Variants in MBOAT2 observed in about 807,000 individuals in gnomAD.
The protein encoded by MBOAT2 is membrane-bound glycerophospholipid O-acyltransferase 2.
A neutral mutation model predicts 63.4 loss-of-function variants in MBOAT2; 28 were observed. The observed-to-expected ratio is 0.44, with a 90% confidence interval of 0.33 to 0.61. MBOAT2 has a LOEUF of 0.61. MBOAT2 is among the 20% of genes least tolerant of loss of function. The pLI, the probability that MBOAT2 is intolerant of heterozygous loss-of-function variation, is 0.03. For synonymous variants in MBOAT2, 211 were observed against 215.6 expected, an observed-to-expected ratio of 0.98 and a Z score of 0.19; for missense variants, 470 against 605.8, an observed-to-expected ratio of 0.78 and a Z score of 2.35.
At chr2:8,980,850 G>C (rs1443230094) in intron 1 of MBOAT2, among the ~76,000 whole-genome samples, 2 of 151,962 alleles carry the variant, frequency 1.3e-5, no homozygotes, top group Admixed American at 1.3e-4. Context: ...TCCACTCCTA[G>C]GTATATACAC....
At chr2:8,954,193 T>G (rs536796394) in intron 2 of MBOAT2, among the ~76,000 whole-genome samples, 6 of 152,330 alleles carry the variant, frequency 3.9e-5, no homozygotes, top group South Asian at 2.1e-4. Flanking sequence ...TATAGCCCTA[T>G]ACACTTCTTT....
At chr2:8,895,359 C>A (rs1664370793) in intron 4 of MBOAT2, among the ~76,000 whole-genome samples, 3 of 152,116 alleles carry the variant, frequency 2.0e-5, no homozygotes, top group African/African-American at 7.2e-5. Flanking sequence ...TTACAGAGTG[C>A]TGATTGGTCC....
In MBOAT2 at chr2:8,860,743, A is replaced by C. The variant is rs747857607; in HGVS notation, c.1207T>G (p.Tyr403Asp). 2.5e-6 allele frequency: 4 copies of C among 1,588,738 alleles called. No homozygotes were observed. In the African/African-American group the frequency reaches 5.4e-5, roughly 21 times the overall value. Residue 403 changes from tyrosine to aspartate, a missense_variant, in exon 12 of 13, where the codon TAT becomes GAT. Transcript: ENST00000305997. ...TTCAGTTGGGAAGGTTCAATGAAAT[A>C]ATGTCTAAAGTTATTTCTCATCTGA... ...ARAMRNNFRH[Y>D]FIEPSQLKLF...
chr2:8,895,859 C>T (rs1241456538), intron 4 of MBOAT2, among the ~76,000 whole-genome samples: 5 of 152,018 alleles, frequency 3.3e-5, no homozygotes, highest in Admixed American at 6.6e-5. Context: ...ATAAAGGGCA[C>T]GAAGGCAAGT....
At chr2:8,895,909 A>G (rs1246261854) in intron 4 of MBOAT2, among the ~76,000 whole-genome samples, 3 of 152,190 alleles carry the variant, frequency 2.0e-5, no homozygotes, top group Non-Finnish European at 4.4e-5. Context: ...AAAGGGGAGA[A>G]GCCATGTTGC....
intron 1 of MBOAT2, among the ~76,000 whole-genome samples, chr2:8,974,607 C>A (rs1467728474): frequency 6.6e-6 from 1 of 152,148 alleles, no homozygotes; most frequent in East Asian, 1.9e-4. Context: ...TAACTGGAAA[C>A]AATGGCAGCC....
chr2:8,952,899 A>G (rs1474602995), intron 2 of MBOAT2, among the ~76,000 whole-genome samples: 1 of 152,196 alleles, frequency 6.6e-6, no homozygotes, highest in Non-Finnish European at 1.5e-5. Context: ...AAAACCGCAG[A>G]AGAATGGGTC....
intron 7 of MBOAT2, among the ~76,000 whole-genome samples, chr2:8,875,036 TC>T (rs1207502896): frequency 6.6e-6 from 1 of 152,206 alleles, no homozygotes; most frequent in African/African-American, 2.4e-5. Flanking sequence ...TTGTTTAAGT[TC>T]CTGTTATTTT....
At chr2:8,949,766 T>C (rs1257338970) in intron 2 of MBOAT2, among the ~76,000 whole-genome samples, 1 of 152,232 alleles carries the variant, frequency 6.6e-6, no homozygotes, top group Non-Finnish European at 1.5e-5. Context: ...TTAAGTCATG[T>C]AGTATGATGC....
intron 4 of MBOAT2, among the ~76,000 whole-genome samples, chr2:8,900,519 G>A (rs1664837988): frequency 6.6e-6 from 1 of 152,004 alleles, no homozygotes; most frequent in Non-Finnish European, 1.5e-5. Context: ...ACCCAGGTTG[G>A]GCCAAATTTC....
intron 3 of MBOAT2, among the ~76,000 whole-genome samples, chr2:8,921,606 G>A (rs1162536058): frequency 6.6e-6 from 1 of 152,130 alleles, no homozygotes; most frequent in Middle Eastern, 3.2e-3. Context: ...TATAAAGCAA[G>A]TCTTTGTTTA....
intron 5 of MBOAT2, among the ~76,000 whole-genome samples, chr2:8,884,263 T>C (rs1456243854): frequency 6.6e-6 from 1 of 150,902 alleles, no homozygotes; most frequent in Non-Finnish European, 1.5e-5. Context: ...TGGAAGATTA[T>C]TTTTTCTTCG....
At chr2:8,968,745 T>A (rs993540943) in intron 1 of MBOAT2, among the ~76,000 whole-genome samples, 2 of 152,138 alleles carry the variant, frequency 1.3e-5, no homozygotes, top group Non-Finnish European at 2.9e-5. Flanking sequence ...CAAGCTTCAG[T>A]AGCCAATTCG....
intron 1 of MBOAT2, among the ~76,000 whole-genome samples, chr2:8,972,565 A>C (rs2103313574): frequency 6.6e-6 from 1 of 152,342 alleles, no homozygotes; most frequent in East Asian, 1.9e-4. Context: ...AGAAACTACC[A>C]TCAGAGTGAA....
chr2:8,910,394 A>G (rs1319666278), intron 3 of MBOAT2, among the ~76,000 whole-genome samples: 2 of 152,186 alleles, frequency 1.3e-5, no homozygotes, highest in Admixed American at 6.5e-5. Flanking sequence ...CACATGAAAA[A>G]GAGATGATGC....
chr2:8,995,114 G>A (rs1238459002), intron 1 of MBOAT2, among the ~76,000 whole-genome samples: 1 of 152,156 alleles, frequency 6.6e-6, no homozygotes, highest in East Asian at 1.9e-4. Flanking sequence ...ACTTTCAAAG[G>A]TAAGCTCACA....
At position 9,003,128 on chromosome 2, in the gene MBOAT2, G is replaced by C. The variant is rs565025403; in HGVS notation, c.75+412C>G. On this transcript the variant is annotated intron_variant, in intron 1 of 12. Coordinates refer to ENST00000305997, the MANE Select transcript of MBOAT2 (RefSeq NM_138799.4). This position sits in a 1 kb window ranked among gnomAD's most constrained non-coding sequence, Gnocchi z 5.4. ...GCGCGGGGCAGGCAGCACCACGCCA[G>C]GCTCCCCAAAGCGCAGCCTTCCGCA... 6.6e-6 allele frequency among the ~76,000 whole-genome samples: 1 copy of C among 152,122 alleles called. No individual in the cohort carries two copies. The highest frequency in any genetic ancestry group is 1.5e-5 in the Non-Finnish European group (1 of 67,994).
chr2:8,922,508 C>T (rs1215572662), intron 3 of MBOAT2, among the ~76,000 whole-genome samples: 2 of 152,354 alleles, frequency 1.3e-5, no homozygotes, highest in East Asian at 3.9e-4. Flanking sequence ...GAATCTTTCT[C>T]ACTCATGGTG....
chr2:8,902,723 C>T (rs1558595027), intron 4 of MBOAT2, among the ~76,000 whole-genome samples: 1 of 152,170 alleles, frequency 6.6e-6, no homozygotes, highest in Non-Finnish European at 1.5e-5. Flanking sequence ...GTCTGACTGA[C>T]TTCAGGAGTA....
Sources: gnomAD v4.1 joint callset for allele counts (sites outside exome capture counted in the v4.1 genomes callset) on GRCh38, gnomAD v4.1.1 for gene constraint, Gnocchi (gnomAD v3.1) non-coding constraint, MANE v1.5 for transcripts, NCBI Gene and HGNC (gene_info 2026-07-23, HGNC 2026-07-21) for gene names.